The following KPNA3 variants were observed in gnomAD, a reference collection of about 807,000 sequenced individuals.
KPNA3 encodes importin subunit alpha-4.
A neutral mutation model predicts 73.8 loss-of-function variants in KPNA3; 13 were observed. The ratio of observed to expected loss-of-function variants is 0.18; its 90% CI spans 0.11 to 0.28. KPNA3 has a LOEUF of 0.28. Ranked by LOEUF, KPNA3 falls within the 10% of genes least tolerant of loss-of-function variation. The pLI, the probability that KPNA3 is intolerant of heterozygous loss-of-function variation, is 1.00. For missense variants in KPNA3, 360 were observed against 618.1 expected, an observed-to-expected ratio of 0.58 and a Z score of 4.43; for synonymous variants, 186 against 206.9, an observed-to-expected ratio of 0.90 and a Z score of 0.87.
intron 1 of KPNA3, among the ~76,000 whole-genome samples, chr13:49,791,806 G>A (rs1412574585): frequency 6.6e-6 from 1 of 152,182 alleles, no homozygotes; most frequent in East Asian, 1.9e-4. Flanking sequence ...CAACAGCTCG[G>A]CACGACTAGT....
intron 9 of KPNA3, among the ~76,000 whole-genome samples, chr13:49,721,048 A>G (rs1188086854): frequency 6.6e-6 from 1 of 151,926 alleles, no homozygotes; most frequent in East Asian, 1.9e-4. Flanking sequence ...GTGAAACCCC[A>G]TCTCTACTAA....
intron 2 of KPNA3, among the ~76,000 whole-genome samples, chr13:49,739,734 G>A (rs1954556019): frequency 6.6e-6 from 1 of 152,124 alleles, no homozygotes; most frequent in Non-Finnish European, 1.5e-5. Context: ...TTACCTTCAG[G>A]GTGATAAGCC....
At chr13:49,722,658 T>C in intron 7 of KPNA3, 95 bp from the exon 8 acceptor site, 2 of 701,672 alleles carry the variant, frequency 2.9e-6, no homozygotes, top group Non-Finnish European at 2.4e-6. Flanking sequence ...CAGCCTGGCA[T>C]ATTGTAGCTG....
intron 1 of KPNA3, among the ~76,000 whole-genome samples, chr13:49,776,002 T>G (rs924879403): frequency 6.6e-6 from 1 of 152,182 alleles, no homozygotes; most frequent in Non-Finnish European, 1.5e-5. Context: ...CAAAAATGTT[T>G]GTTTGCACTA....
chr13:49,717,690 T>A (rs560728396), intron 10 of KPNA3, among the ~76,000 whole-genome samples: 3 of 152,272 alleles, frequency 2.0e-5, no homozygotes, highest in Admixed American at 2.0e-4. Context: ...ATAATGAGAG[T>A]ACCAATCTCA....
At chr13:49,715,980 C>T (rs1566335831) in intron 10 of KPNA3, among the ~76,000 whole-genome samples, 1 of 150,992 alleles carries the variant, frequency 6.6e-6, no homozygotes, top group Non-Finnish European at 1.5e-5. Context: ...TTCTCCATTA[C>T]ATGGTCACTA....
chr13:49,756,543 C>G (rs946179666), intron 1 of KPNA3, among the ~76,000 whole-genome samples: 1 of 152,246 alleles, frequency 6.6e-6, no homozygotes, highest in African/African-American at 2.4e-5. Context: ...AGTGACAGAG[C>G]AAGATCCTGT....
At chr13:49,719,341 C>A (rs1007029423) in intron 10 of KPNA3, among the ~76,000 whole-genome samples, 17 of 152,104 alleles carry the variant, frequency 1.1e-4, no homozygotes, top group African/African-American at 4.1e-4. Context: ...TTGACTCTGA[C>A]CCTTACTAGC....
At chr13:49,783,142 A>C (rs998559467) in intron 1 of KPNA3, among the ~76,000 whole-genome samples, 2 of 152,122 alleles carry the variant, frequency 1.3e-5, no homozygotes, top group Non-Finnish European at 2.9e-5. Context: ...CATATGCATA[A>C]TGGTGATTCT....
intron 2 of KPNA3, among the ~76,000 whole-genome samples, chr13:49,738,198 A>G (rs533681209): frequency 2.6e-4 from 40 of 152,328 alleles, no homozygotes; most frequent in African/African-American, 9.6e-4. Context: ...TTTCTGGGTT[A>G]TATTTTCTGT....
Position 49,709,709 on chromosome 13 carries a change from G to A in KPNA3, c.904-9C>T, listed in dbSNP as rs1954242248. Reference sequence around the variant, plus strand: ...GCTCTGAGGGCTGCTGTCTAGGGTGGGGATAAAATGTTTTCTATAAATTTA... The same window carrying A: ...GCTCTGAGGGCTGCTGTCTAGGGTGAGGATAAAATGTTTTCTATAAATTTA... On this transcript the variant is annotated splice_polypyrimidine_tract_variant and intron_variant, in intron 11 of 16. Coordinates refer to ENST00000261667, the MANE Select transcript of KPNA3 (RefSeq NM_002267.4). The A allele has an allele frequency of 6.3e-7, 1 of 1,599,534 alleles. No homozygotes were observed. The highest frequency in any genetic ancestry group is 8.5e-7 in the Non-Finnish European group (1 of 1,175,502).
chr13:49,715,982 T>C (rs1019656509), intron 10 of KPNA3, among the ~76,000 whole-genome samples: 9 of 150,104 alleles, frequency 6.0e-5, no homozygotes, highest in African/African-American at 1.7e-4. Flanking sequence ...CTCCATTACA[T>C]GGTCACTACT....
At chr13:49,707,800 G>A (rs576842405) in intron 12 of KPNA3, among the ~76,000 whole-genome samples, 12 of 151,870 alleles carry the variant, frequency 7.9e-5, no homozygotes, top group African/African-American at 2.9e-4. Flanking sequence ...TGGAACAAAT[G>A]TATCTATAAA....
Position 49,792,517 on chromosome 13 carries a change from G to A in KPNA3, c.-11C>T, listed in dbSNP as rs374104014. On this transcript the variant is annotated 5_prime_UTR_variant, in exon 1 of 17. Transcript: ENST00000261667. ...GGGGTTCTCGGCCATGGCTGCGCGCGGCTCCGGCGGCGGCTACTCCTGCGG... is the reference window on the plus strand; with the variant it reads ...GGGGTTCTCGGCCATGGCTGCGCGCAGCTCCGGCGGCGGCTACTCCTGCGG... The A allele has an allele frequency of 1.1e-5, 18 of 1,572,244 alleles. No homozygotes were observed. In the Admixed American group the frequency reaches 2.3e-4, roughly 20 times the overall value.
chr13:49,765,618 G>A (rs921965032), intron 1 of KPNA3, among the ~76,000 whole-genome samples: 1 of 152,122 alleles, frequency 6.6e-6, no homozygotes, highest in African/African-American at 2.4e-5. Flanking sequence ...TTACAGGCAT[G>A]AGCCACCGCG....
intron 1 of KPNA3, among the ~76,000 whole-genome samples, chr13:49,777,539 C>G (rs1954907312): frequency 6.6e-6 from 1 of 152,134 alleles, no homozygotes. Flanking sequence ...GGGTCTCACT[C>G]TGTCACGTGG....
At chr13:49,764,066 CAAAAAA>C (rs11301654) in intron 1 of KPNA3, among the ~76,000 whole-genome samples, 2 of 79,966 alleles carry the variant, frequency 2.5e-5, no homozygotes, top group African/African-American at 4.8e-5. Context: ...GACCCTGTCT[CAAAAAA>C]AAAAAAAAAA....
intron 1 of KPNA3, among the ~76,000 whole-genome samples, chr13:49,789,510 A>T (rs1284275403): frequency 1.3e-5 from 2 of 152,178 alleles, no homozygotes; most frequent in Non-Finnish European, 1.5e-5. Context: ...CTTGTGTATC[A>T]GCTGCTTCTA....
intron 1 of KPNA3, among the ~76,000 whole-genome samples, chr13:49,776,493 T>C (rs1039925797): frequency 1.3e-5 from 2 of 152,252 alleles, no homozygotes; most frequent in Non-Finnish European, 2.9e-5. Context: ...ATTATCAGCT[T>C]ATAAATTTTC....
Sources: gnomAD v4.1 joint callset for allele counts (sites outside exome capture counted in the v4.1 genomes callset) on GRCh38, gnomAD v4.1.1 for gene constraint, MANE v1.5 for transcripts, NCBI Gene and HGNC (gene_info 2026-07-23, HGNC 2026-07-21) for gene names.